The following PCDHA1 variants were observed in gnomAD, a reference collection of about 807,000 sequenced individuals.
The protein encoded by PCDHA1 is protocadherin alpha 1.
PCDHA1 carries 42 observed loss-of-function variants against 61.3 expected under a neutral mutation model. That is an observed-to-expected ratio of 0.69 (90% CI 0.54 to 0.89). PCDHA1 has a LOEUF of 0.89. Among genes scored for constraint, PCDHA1 ranks in the 40% least tolerant of loss-of-function variants. The pLI is 0.00. For synonymous variants in PCDHA1, 610 were observed against 553.8 expected (o/e 1.10, Z -1.43); for missense variants, 1,256 against 1,235.3 (o/e 1.02, Z -0.25).
chr5:140,795,915 G>A, intron 1 of PCDHA1: 1 of 1,613,946 alleles, frequency 6.2e-7, no homozygotes, highest in Non-Finnish European at 8.5e-7. Context: ...AGTCCTACGA[G>A]ATTCAGGTCA....
At chr5:140,828,125 C>T (rs1769542170) in intron 1 of PCDHA1, 2 of 1,613,046 alleles carry the variant, frequency 1.2e-6, no homozygotes, top group East Asian at 4.5e-5. Flanking sequence ...ATTGGGAAAG[C>T]AATGTCTGCT....
At chr5:140,869,951 CAATT>C (rs1554163647) in intron 1 of PCDHA1, 4 of 1,611,984 alleles carry the variant, frequency 2.5e-6, no homozygotes, top group Non-Finnish European at 3.4e-6. Flanking sequence ...TCCTTAATGT[CAATT>C]AAGCCCAATG....
At chr5:140,842,951 C>A (rs2150348628) in intron 1 of PCDHA1, 3 of 1,594,846 alleles carry the variant, frequency 1.9e-6, no homozygotes, top group Non-Finnish European at 2.6e-6. Context: ...GGGCGTGCCG[C>A]CTCTGGGCAG....
rs1459343581 is a variant in PCDHA1 at position 141,012,230 on chromosome 5, A to G, written c.*2293A>G. 1.3e-5 allele frequency: 2 copies of G among 153,766 alleles called. No individual in the cohort carries two copies. The highest frequency in any genetic ancestry group is 6.5e-5 in the Admixed American group (1 of 15,278). 9.5% of individuals were successfully genotyped at this position (153,766 alleles called of 1,614,324 possible). On this transcript the variant is annotated 3_prime_UTR_variant, in exon 4 of 4. Transcript: ENST00000504120. ...ACATTTGCGAAGTGCTTTCCAATCC[A>G]TGTTAGTTACTAGTTATTACAGCTG...
intron 1 of PCDHA1, chr5:140,834,106 C>T (rs1156396918): frequency 1.8e-5 from 7 of 396,312 alleles, no homozygotes; most frequent in Non-Finnish European, 3.1e-5. Flanking sequence ...GAAAAAAATT[C>T]AGAGTTTGAA....
intron 2 of PCDHA1, among the ~76,000 whole-genome samples, chr5:140,980,990 G>T (rs1344931215): frequency 6.6e-6 from 1 of 152,116 alleles, no homozygotes. Flanking sequence ...CACACAATTT[G>T]CTAGTAGGAT....
Position 140,836,765 on chromosome 5 carries a change from A to T in PCDHA1, c.2394+48081A>T, listed in dbSNP as rs200916074. ...TGAGTCATAAATAATCTTGTTTCCA[A>T]CAATTTTAAAACAATTAGTTCAATT... On this transcript the variant is annotated intron_variant, in intron 1 of 3. Coordinates refer to ENST00000504120, the MANE Select transcript of PCDHA1 (RefSeq NM_018900.4). 7.0e-6 allele frequency: 11 copies of T among 1,563,040 alleles called. No individual in the cohort carries two copies. The East Asian group carries it at 9.0e-5, about 13-fold the overall frequency.
At chr5:140,871,055 A>T (rs782721683) in intron 1 of PCDHA1, 9 of 1,613,326 alleles carry the variant, frequency 5.6e-6, no homozygotes, top group African/African-American at 2.7e-5. Context: ...GTACTGGTGA[A>T]GGATCACGGT....
intron 1 of PCDHA1, chr5:140,812,485 T>G (rs1765118211): frequency 6.6e-6 from 1 of 152,148 alleles, no homozygotes; most frequent in African/African-American, 2.4e-5. Context: ...TGCTCTAATC[T>G]TTATTATAGT....
At chr5:140,943,624 G>C (rs2093534515) in intron 1 of PCDHA1, among the ~76,000 whole-genome samples, 2 of 152,106 alleles carry the variant, frequency 1.3e-5, no homozygotes, top group African/African-American at 4.8e-5. Context: ...ATCTGCATAA[G>C]GAAGCTGGAT....
In PCDHA1 at chr5:140,883,821, A is replaced by G. The variant is rs376667172; in HGVS notation, c.2395-95128A>G. 3 of 1,612,334 alleles carry G rather than the reference A, an allele frequency of 1.9e-6. No homozygotes were observed. Among genetic ancestry groups the G allele is most frequent in the Non-Finnish European group, 2.5e-6 (3 of 1,179,764 alleles). The stretch of plus-strand genomic sequence containing the variant: ...GTGCACGCGGAGAGCGGCAAGGTGT[A>G]CGCGCTGCAGCCGTTGGACCACGAG... On this transcript the variant is annotated intron_variant, in intron 1 of 3. Coordinates refer to ENST00000504120, the MANE Select transcript of PCDHA1 (RefSeq NM_018900.4).
intron 1 of PCDHA1, chr5:140,857,217 C>T: frequency 1.9e-6 from 3 of 1,598,492 alleles, no homozygotes; most frequent in South Asian, 2.2e-5. Flanking sequence ...TCTCTGACGC[C>T]TCACGTTCCG....
chr5:140,871,438 C>T, intron 1 of PCDHA1: 1 of 1,611,836 alleles, frequency 6.2e-7, no homozygotes. Context: ...TCCTCTAGGT[C>T]TGAATAAAGA....
intron 1 of PCDHA1, among the ~76,000 whole-genome samples, chr5:140,846,281 T>G (rs1780295705): frequency 6.7e-6 from 1 of 149,458 alleles, no homozygotes; most frequent in Non-Finnish European, 1.5e-5. Context: ...CAATTTATGT[T>G]GTAGTTCTAT....
chr5:140,794,900 A>G, intron 1 of PCDHA1: 1 of 1,489,742 alleles, frequency 6.7e-7, no homozygotes, highest in Admixed American at 2.1e-5. Context: ...TTTAACAGAG[A>G]CTAGAATATT....
intron 1 of PCDHA1, among the ~76,000 whole-genome samples, chr5:140,941,214 C>CTTCCTTTCTTT (rs1554214039): frequency 8.2e-6 from 1 of 122,414 alleles, no homozygotes; most frequent in Non-Finnish European, 1.7e-5. Context: ...TTTCTTTCTT[C>CTTCCTTTCTTT]CTTTCTTTCT....
intron 1 of PCDHA1, among the ~76,000 whole-genome samples, chr5:140,907,117 T>G (rs2073177882): frequency 6.6e-6 from 1 of 152,156 alleles, no homozygotes; most frequent in Non-Finnish European, 1.5e-5. Context: ...ACCCCTTGAT[T>G]CCTGGACCTG....
intron 1 of PCDHA1, among the ~76,000 whole-genome samples, chr5:140,885,740 GTTACT>G (rs1554182262): frequency 2.6e-5 from 4 of 152,016 alleles, no homozygotes; most frequent in African/African-American, 9.7e-5. Context: ...ATATTTCACT[GTTACT>G]TTAATTTTAA....
chr5:140,840,728 G>T (rs995381771), intron 1 of PCDHA1, among the ~76,000 whole-genome samples: 1 of 151,956 alleles, frequency 6.6e-6, no homozygotes, highest in Non-Finnish European at 1.5e-5. Context: ...ATAAAGAAAA[G>T]CAAAAATTTA....
Sources: gnomAD v4.1 joint callset for allele counts (sites outside exome capture counted in the v4.1 genomes callset) on GRCh38, gnomAD v4.1.1 for gene constraint, MANE v1.5 for transcripts, NCBI Gene and HGNC (gene_info 2026-07-23, HGNC 2026-07-21) for gene names.